The following GPLD1 variants were observed in gnomAD, a reference collection of about 807,000 sequenced individuals.
GPLD1 encodes the protein phosphatidylinositol-glycan-specific phospholipase D.
GPLD1 carries 84 observed loss-of-function variants against 112.6 expected under a neutral mutation model. The ratio of observed to expected loss-of-function variants is 0.75; its 90% CI spans 0.63 to 0.89. The LOEUF (loss-of-function observed/expected upper bound fraction) is 0.89. GPLD1 is among the 40% of genes least tolerant of loss of function. The pLI, the probability that GPLD1 is intolerant of heterozygous loss-of-function variation, is 0.00. For missense variants in GPLD1, 1,044 were observed against 1,051.5 expected, an observed-to-expected ratio of 0.99 and a Z score of 0.10; for synonymous variants, 386 against 403.8, an observed-to-expected ratio of 0.96 and a Z score of 0.53.
chr6:24,432,005 T>TG (rs911129213), intron 24 of GPLD1, among the ~76,000 whole-genome samples: 107 of 151,558 alleles, frequency 7.1e-4, no homozygotes, highest in African/African-American at 2.5e-3. Context: ...CCAAAAAAAA[T>TG]GGGGGGCCAA....
At position 24,442,466 on chromosome 6, in the gene GPLD1, A is replaced by G. The variant is rs1489021804; in HGVS notation, c.2020+3080T>C. ...TTTTTTTTTTTTTTTTTTTTTTGAG[A>G]TGGAATTTCACTCTGTCACCCAGGC... On this transcript the variant is annotated intron_variant, in intron 20 of 24. Coordinates refer to ENST00000230036, the MANE Select transcript of GPLD1 (RefSeq NM_001503.4). 5.6e-5 allele frequency among the ~76,000 whole-genome samples: 4 copies of G among 71,670 alleles called. 2 individuals carry two copies. Among genetic ancestry groups the G allele is most frequent in the Non-Finnish European group, 4.9e-5 (2 of 40,634 alleles). The allele number at this position is 71,670 out of a possible 152,430, so 47.0% of individuals were successfully genotyped here.
At chr6:24,440,402 C>T (rs1762707320) in intron 20 of GPLD1, among the ~76,000 whole-genome samples, 1 of 151,978 alleles carries the variant, frequency 6.6e-6, no homozygotes. Context: ...TGTGATCACA[C>T]CATTGAACTC....
Position 24,448,014 on chromosome 6 carries a change from C to T in GPLD1, c.1541G>A (p.Gly514Asp). Residue 514 changes from glycine to aspartate, a missense_variant, in exon 17 of 25, where the codon GGC (glycine) becomes GAC (aspartate). Transcript: ENST00000230036. ...CACATCTGCAGCCAAGAGAGTCCAGCCCAAGTTACAGTAGATGTCCTTAAG... is the reference window on the plus strand; with the variant it reads ...CACATCTGCAGCCAAGAGAGTCCAGTCCAAGTTACAGTAGATGTCCTTAAG... ...ISCQDIYCNL[G>D]WTLLAADVNG... The T allele has an allele frequency of 6.2e-7, 1 of 1,613,566 alleles. No individual in the cohort carries two copies. The highest frequency in any genetic ancestry group is 8.5e-7 in the Non-Finnish European group (1 of 1,179,926).
At chr6:24,489,269 C>T (rs564890232) in intron 1 of GPLD1, 146 bp downstream of exon 1, 67 of 613,114 alleles carry the variant, frequency 1.1e-4, no homozygotes, top group African/African-American at 6.5e-4. Context: ...CTGCAATCAC[C>T]GGCTTCTCCT....
At chr6:24,445,152 C>T (rs1762870386) in intron 20 of GPLD1, among the ~76,000 whole-genome samples, 4 of 151,964 alleles carry the variant, frequency 2.6e-5, no homozygotes, top group African/African-American at 4.8e-5. Context: ...CTCAGCCTCC[C>T]GAGTAGCTGG....
At chr6:24,486,775 G>A (rs549719103) in intron 1 of GPLD1, among the ~76,000 whole-genome samples, 67 of 151,866 alleles carry the variant, frequency 4.4e-4, no homozygotes, top group African/African-American at 1.4e-3. Flanking sequence ...CCGAGACCAC[G>A]CCACTGCACT....
chr6:24,459,368 C>A (rs114053227), intron 12 of GPLD1, among the ~76,000 whole-genome samples: 4,828 of 152,288 alleles, frequency 0.032, 96 homozygotes, highest in Non-Finnish European at 0.045. Context: ...GTCCTCCCAC[C>A]TCAGCCTCCC....
chr6:24,489,087 C>T (rs368031656), intron 1 of GPLD1, among the ~76,000 whole-genome samples: 1 of 152,198 alleles, frequency 6.6e-6, no homozygotes, highest in South Asian at 2.1e-4. Context: ...CATCTTGTTC[C>T]TCTCCCATTC....
At chr6:24,458,267 C>A (rs891940801) in intron 12 of GPLD1, among the ~76,000 whole-genome samples, 2 of 152,104 alleles carry the variant, frequency 1.3e-5, no homozygotes, top group Non-Finnish European at 2.9e-5. Context: ...ATCTTTCAGG[C>A]ACGAGTATGC....
intron 20 of GPLD1, among the ~76,000 whole-genome samples, chr6:24,439,351 T>C (rs979916573): frequency 1.5e-4 from 23 of 152,218 alleles, no homozygotes; most frequent in African/African-American, 4.6e-4. Flanking sequence ...TGAGACTGTG[T>C]TCTCTAATCC....
chr6:24,431,156 G>A (rs1762390897), intron 24 of GPLD1, among the ~76,000 whole-genome samples: 3 of 152,038 alleles, frequency 2.0e-5, no homozygotes, highest in Middle Eastern at 3.4e-3. Flanking sequence ...TACATTTTTA[G>A]ACCTGCCTGT....
rs1320815741 is a variant in GPLD1 at position 24,456,593 on chromosome 6, C to T, written c.1053G>A (p.Arg351=). The T allele has an allele frequency of 1.9e-6, 3 of 1,598,098 alleles. 1 individual carries two copies. Among genetic ancestry groups the T allele is most frequent in the South Asian group, 2.2e-5 (2 of 90,604 alleles). ...ACTGAGAGCCACCTATGAACATTGT[C>T]CTTATGTTCCTTTCCAAAGCCTTGT... ...FIYKALERNI[R]TMFIGGSQLS... The change falls in exon 13 of 25, where the codon AGG becomes AGA. Residue 351 remains arginine, a synonymous_variant. Coordinates refer to ENST00000230036, the MANE Select transcript of GPLD1 (RefSeq NM_001503.4).
intron 22 of GPLD1, among the ~76,000 whole-genome samples, chr6:24,436,093 AAAT>A (rs1376200948): frequency 6.6e-6 from 1 of 151,824 alleles, no homozygotes; most frequent in Non-Finnish European, 1.5e-5. Flanking sequence ...CCATCTCTAC[AAAT>A]AATAAAAAGA....
intron 7 of GPLD1, among the ~76,000 whole-genome samples, chr6:24,469,857 G>T (rs995680250): frequency 4.6e-5 from 7 of 151,954 alleles, no homozygotes; most frequent in African/African-American, 1.7e-4. Flanking sequence ...CTTTTAGTAG[G>T]TAAAAGAAAG....
chr6:24,467,256 A>G lies in GPLD1; in HGVS notation c.564T>C (p.Asp188=), dbSNP rs755806939. ...LARRWYVPVK[D]LLGIYEKLYG... ...ACAGTTTCTCATAAATTCCCAGTAG[A>G]TCTTTGACTGGCACATACCTGAAAA... The change falls in exon 8 of 25, where the codon GAT becomes GAC. Residue 188 remains aspartate, a synonymous_variant. Transcript: ENST00000230036. 6.3e-7 allele frequency: 1 copy of G among 1,591,272 alleles called. No homozygotes were observed. Among genetic ancestry groups the G allele is most frequent in the East Asian group, 2.2e-5 (1 of 44,746 alleles).
chr6:24,477,351 C>T (rs539092105), intron 3 of GPLD1, among the ~76,000 whole-genome samples: 1 of 150,788 alleles, frequency 6.6e-6, no homozygotes, highest in East Asian at 1.9e-4. Flanking sequence ...AGACCCACTT[C>T]TAATCCTGTT....
At chr6:24,475,032 T>C (rs995510955) in intron 5 of GPLD1, 89 bp downstream of exon 5, 2 of 733,918 alleles carry the variant, frequency 2.7e-6, no homozygotes, top group African/African-American at 3.5e-5. Context: ...AACCTAACAT[T>C]TTCCTTTCTT....
chr6:24,465,209 A>AAAG (rs1357578843), intron 10 of GPLD1, among the ~76,000 whole-genome samples: 2,760 of 106,760 alleles, frequency 0.026, 105 homozygotes, highest in African/African-American at 0.12. Context: ...AAAAAAAAAA[A>AAAG]AAAAGAAAAG....
At chr6:24,448,101 G>A in intron 16 of GPLD1, 33 bp downstream of exon 16, 1 of 1,611,270 alleles carries the variant, frequency 6.2e-7, no homozygotes, top group South Asian at 1.1e-5. Context: ...GCGAGTTCTA[G>A]GTTTCTGCAC....
Sources: allele counts gnomAD v4.1 joint callset (sites outside exome capture counted in the v4.1 genomes callset), GRCh38; gene constraint gnomAD v4.1.1; transcripts MANE v1.5; gene names NCBI Gene and HGNC (gene_info 2026-07-23, HGNC 2026-07-21).